PCDHA1: variants seen among roughly 807,000 people sequenced by gnomAD.
PCDHA1 encodes the protein protocadherin alpha-1.
Under a neutral mutation model 61.3 loss-of-function variants are expected in PCDHA1, and 42 were observed. The ratio of observed to expected loss-of-function variants is 0.69; its 90% CI spans 0.54 to 0.89. The LOEUF (loss-of-function observed/expected upper bound fraction) is 0.89. Among genes scored for constraint, PCDHA1 ranks in the 40% least tolerant of loss-of-function variants. The pLI is 0.00. For synonymous variants in PCDHA1, 610 were observed against 553.8 expected (o/e 1.10, Z -1.43); for missense variants, 1,256 against 1,235.3 (o/e 1.02, Z -0.25).
At chr5:140,875,412 A>G in intron 1 of PCDHA1, 4 of 1,505,550 alleles carry the variant, frequency 2.7e-6, no homozygotes, top group Non-Finnish European at 3.5e-6. Context: ...CTCATAAAAT[A>G]CCTCAGGCAA....
chr5:140,925,570 A>G (rs531387558), intron 1 of PCDHA1, among the ~76,000 whole-genome samples: 1 of 152,008 alleles, frequency 6.6e-6, no homozygotes, highest in African/African-American at 2.4e-5. Flanking sequence ...TGGGTGCAGC[A>G]CACCAACATG....
chr5:140,997,859 T>C (rs2097788506), intron 3 of PCDHA1, among the ~76,000 whole-genome samples: 1 of 152,216 alleles, frequency 6.6e-6, no homozygotes, highest in Non-Finnish European at 1.5e-5. Context: ...TACATATTTC[T>C]TATGCATGCT....
intron 1 of PCDHA1, among the ~76,000 whole-genome samples, chr5:140,910,545 A>T (rs551984797): frequency 1.3e-5 from 2 of 152,316 alleles, no homozygotes; most frequent in East Asian, 1.9e-4. Context: ...TCTATTTTGC[A>T]AAGTATTAGT....
At chr5:140,850,301 C>G in intron 1 of PCDHA1, 3 of 1,596,740 alleles carry the variant, frequency 1.9e-6, no homozygotes, top group Non-Finnish European at 2.6e-6. Context: ...CCGACTCGGG[C>G]TACAACGCGT....
chr5:140,834,714 G>A (rs2150224744), intron 1 of PCDHA1: 2 of 1,614,274 alleles, frequency 1.2e-6, no homozygotes, highest in Admixed American at 1.7e-5. Flanking sequence ...GGTGATCGTG[G>A]AAAGGCCGCT....
chr5:140,927,666 G>C, intron 1 of PCDHA1: 1 of 1,614,180 alleles, frequency 6.2e-7, no homozygotes, highest in Non-Finnish European at 8.5e-7. Context: ...TTCAAGCCTT[G>C]GATCCAGATG....
At chr5:140,849,528 G>T in intron 1 of PCDHA1, 4 of 1,597,792 alleles carry the variant, frequency 2.5e-6, no homozygotes, top group Non-Finnish European at 3.4e-6. Flanking sequence ...GGATGTAAAT[G>T]ACAATGCTCC....
Position 140,808,284 on chromosome 5 carries a change from G to A in PCDHA1, c.2394+19600G>A, listed in dbSNP as rs138396244. On this transcript the variant is annotated intron_variant, in intron 1 of 3. Coordinates refer to ENST00000504120, the MANE Select transcript of PCDHA1 (RefSeq NM_018900.4). ...CCAATTAGAGAGGACGCTCCACTGG[G>A]TACAGTCATCGCCCTGATCAGCGTG... 3.1e-6 allele frequency: 5 copies of A among 1,614,138 alleles called. No individual in the cohort carries two copies. The African/African-American group carries it at 6.7e-5, about 22-fold the overall frequency.
chr5:140,888,802 AGTGATCT>A (rs1418023292), intron 1 of PCDHA1, among the ~76,000 whole-genome samples: 2 of 152,088 alleles, frequency 1.3e-5, no homozygotes, highest in African/African-American at 4.8e-5. Flanking sequence ...GAGGTTGATC[AGTGATCT>A]GTGATCTGTG....
At chr5:140,827,860 G>T in intron 1 of PCDHA1, 1 of 529,744 alleles carries the variant, frequency 1.9e-6, no homozygotes. Flanking sequence ...AAAAATATAT[G>T]GTATAGCACT....
chr5:140,856,716 G>A, intron 1 of PCDHA1: 1 of 1,596,628 alleles, frequency 6.3e-7, no homozygotes. Context: ...GAATTTACCG[G>A]ATCTGTTTCT....
At chr5:140,882,457 G>A (rs781908788) in intron 1 of PCDHA1, 2 of 1,613,938 alleles carry the variant, frequency 1.2e-6, no homozygotes, top group East Asian at 2.2e-5. Flanking sequence ...TGCCGCGCCT[G>A]TTCCGGGTGG....
At position 140,835,614 on chromosome 5, in the gene PCDHA1, A is replaced by C. The variant is rs2150239494; in HGVS notation, c.2394+46930A>C. On this transcript the variant is annotated intron_variant, in intron 1 of 3. Transcript: ENST00000504120. ...GAATTACTATTCATTGGTGCTGGAC[A>C]GCGCTCTGGACCGCGAGAGTGTGTC... 7 of 1,613,916 alleles carry C rather than the reference A, an allele frequency of 4.3e-6. No individual in the cohort carries two copies. In the East Asian group the frequency reaches 1.3e-4, roughly 31 times the overall value.
Position 140,843,115 on chromosome 5 carries a change from C to G in PCDHA1, c.2394+54431C>G, listed in dbSNP as rs2150353014. Reference sequence around the variant, plus strand: ...TGGTAGCGAAGGTGCGCGCAGTGGACGCCGACTCGGGCTACAACGCGTGGC... The same window carrying G: ...TGGTAGCGAAGGTGCGCGCAGTGGAGGCCGACTCGGGCTACAACGCGTGGC... On this transcript the variant is annotated intron_variant, in intron 1 of 3. Coordinates refer to ENST00000504120, the MANE Select transcript of PCDHA1 (RefSeq NM_018900.4). 1.3e-5 allele frequency: 21 copies of G among 1,595,824 alleles called. 4 individuals carry two copies. In the South Asian group the frequency reaches 1.5e-4, roughly 12 times the overall value.
Position 140,968,026 on chromosome 5 carries a change from A to G in PCDHA1, c.2395-10923A>G, listed in dbSNP as rs570318168. 9.3e-6 allele frequency: 15 copies of G among 1,614,066 alleles called. No individual in the cohort carries two copies. In the Admixed American group the frequency reaches 1.8e-4, roughly 20 times the overall value. On this transcript the variant is annotated intron_variant, in intron 1 of 3. Transcript: ENST00000504120. ...TGAATGGCTTTGGAAACTCCTATACACTGGTGGTGAGCGGCCCACTGGACC... is the reference window on the plus strand; with the variant it reads ...TGAATGGCTTTGGAAACTCCTATACGCTGGTGGTGAGCGGCCCACTGGACC...
At chr5:140,976,578 A>C (rs997881753) in intron 1 of PCDHA1, among the ~76,000 whole-genome samples, 1 of 152,204 alleles carries the variant, frequency 6.6e-6, no homozygotes, top group Admixed American at 6.5e-5. Context: ...TATAAATAAA[A>C]CACAGACTTT....
chr5:140,842,478 C>T (rs449407), intron 1 of PCDHA1: 1 of 1,613,928 alleles, frequency 6.2e-7, no homozygotes, highest in East Asian at 2.2e-5. Flanking sequence ...GGGCAGGTGA[C>T]CTGCTCCCTG....
At position 140,799,542 on chromosome 5, in the gene PCDHA1, C is replaced by A. The variant is rs189125604; in HGVS notation, c.2394+10858C>A. Among the ~76,000 whole-genome samples, 122 of 152,002 alleles carry A rather than the reference C, an allele frequency of 8.0e-4. No homozygotes were observed. In the Middle Eastern group the frequency reaches 0.021, roughly 26 times the overall value. On this transcript the variant is annotated intron_variant, in intron 1 of 3. Transcript: ENST00000504120. ...TTACTTACTTCTTCATAATATAGCA[C>A]AATATAATCATTTAGAAATTATGTA...
intron 1 of PCDHA1, among the ~76,000 whole-genome samples, chr5:140,896,683 C>T (rs2153454060): frequency 6.6e-6 from 1 of 152,068 alleles, no homozygotes; most frequent in South Asian, 2.1e-4. Context: ...GGCCCTTTGC[C>T]CATTTTTTGA....
Sources: allele counts gnomAD v4.1 joint callset (sites outside exome capture counted in the v4.1 genomes callset), GRCh38; gene constraint gnomAD v4.1.1; transcripts MANE v1.5; gene names NCBI Gene and HGNC (gene_info 2026-07-23, HGNC 2026-07-21).